The following ZNF420 variants were observed in gnomAD, a reference collection of about 807,000 sequenced individuals.
The protein encoded by ZNF420 is ATM and p53-associated KZNF protein.
Under a neutral mutation model 44.7 loss-of-function variants are expected in ZNF420, and 31 were observed. The ratio of observed to expected loss-of-function variants is 0.69; its 90% CI spans 0.52 to 0.94. ZNF420 has a LOEUF of 0.94. Among genes scored for constraint, ZNF420 ranks in the 40% least tolerant of loss-of-function variants. The pLI is 0.00. For missense variants in ZNF420, 681 were observed against 827.9 expected, an observed-to-expected ratio of 0.82 and a Z score of 2.18; for synonymous variants, 245 against 267.4, an observed-to-expected ratio of 0.92 and a Z score of 0.82.
intron 4 of ZNF420, among the ~76,000 whole-genome samples, chr19:37,104,578 T>C (rs952855983): frequency 1.3e-5 from 2 of 152,192 alleles, no homozygotes; most frequent in African/African-American, 4.8e-5. Context: ...TCCACAATGG[T>C]TGAACTAGTT....
intron 1 of ZNF420, among the ~76,000 whole-genome samples, chr19:37,019,611 C>T (rs951334189): frequency 4.0e-5 from 6 of 151,786 alleles, no homozygotes; most frequent in Admixed American, 2.0e-4. Context: ...CCCATCTCTA[C>T]TAACAATACA....
intron 1 of ZNF420, among the ~76,000 whole-genome samples, chr19:37,042,189 G>C (rs1967466861): frequency 1.3e-5 from 2 of 152,162 alleles, no homozygotes; most frequent in South Asian, 4.1e-4. Context: ...AATAGAGACA[G>C]GGTTTCACCA....
intron 1 of ZNF420, among the ~76,000 whole-genome samples, chr19:37,060,742 C>T (rs35524127): frequency 0.5 from 76,245 of 151,720 alleles, 19,790 homozygotes; most frequent in African/African-American, 0.58. Flanking sequence ...GGTAGGCGAC[C>T]GTGACTGGCC....
At chr19:37,013,870 T>A (rs532128142) in intron 1 of ZNF420, among the ~76,000 whole-genome samples, 1 of 152,314 alleles carries the variant, frequency 6.6e-6, no homozygotes, top group Admixed American at 6.5e-5. Context: ...GTGGAGCAAA[T>A]GCGACCACAC....
At chr19:37,126,660 A>G (rs1426282757) in intron 4 of ZNF420, among the ~76,000 whole-genome samples, 1 of 152,136 alleles carries the variant, frequency 6.6e-6, no homozygotes, top group Non-Finnish European at 1.5e-5. Context: ...TCCCCAGGTG[A>G]TTTTGATCCC....
chr19:37,011,032 C>T (rs1314314629), intron 1 of ZNF420, among the ~76,000 whole-genome samples: 1 of 152,192 alleles, frequency 6.6e-6, no homozygotes, highest in East Asian at 1.9e-4. Flanking sequence ...GTTTGGCACT[C>T]CTCCCCTCAG....
At chr19:37,116,244 C>G (rs528555090) in intron 4 of ZNF420, among the ~76,000 whole-genome samples, 1 of 151,748 alleles carries the variant, frequency 6.6e-6, no homozygotes, top group African/African-American at 2.4e-5. Flanking sequence ...ATGGCACACG[C>G]AGGGATTCCC....
intron 1 of ZNF420, among the ~76,000 whole-genome samples, chr19:37,047,557 G>A (rs890267258): frequency 8.5e-5 from 13 of 152,170 alleles, no homozygotes; most frequent in African/African-American, 2.2e-4. Flanking sequence ...TAGCACAAAC[G>A]CACTAAGGCA....
rs556031100 is a variant in ZNF420, at chr19:37,048,764, C to T, written c.-124-31581C>T. Among the ~76,000 whole-genome samples the T allele has an allele frequency of 9.9e-5, 15 of 152,002 alleles. No individual in the cohort carries two copies. The South Asian group carries it at 1.2e-3, about 13-fold the overall frequency. On this transcript the variant is annotated intron_variant, in intron 1 of 4. Coordinates refer to the ZNF420 transcript ENST00000587029. ...TAAGTTTTAGGATACATGTGCACAA[C>T]GTGCAGGTTAGTTACATATGTATAC...
chr19:37,019,847 AAGC>A (rs2146380913), intron 1 of ZNF420, among the ~76,000 whole-genome samples: 1 of 152,262 alleles, frequency 6.6e-6, no homozygotes, highest in East Asian at 1.9e-4. Context: ...GGGAAACTGA[AAGC>A]AGTTTCAAAG....
chr19:37,051,362 GGTT>G (rs893786935), intron 1 of ZNF420, among the ~76,000 whole-genome samples: 5 of 151,954 alleles, frequency 3.3e-5, no homozygotes, highest in Non-Finnish European at 7.4e-5. Context: ...GACTTTTTTT[GGTT>G]GTTAAGCTAT....
chr19:37,084,052 T>C (rs1248139789), intron 2 of ZNF420, among the ~76,000 whole-genome samples: 2 of 152,216 alleles, frequency 1.3e-5, no homozygotes, highest in East Asian at 1.9e-4. Context: ...CTCACTGATA[T>C]ATGTGTGTGT....
intron 1 of ZNF420, among the ~76,000 whole-genome samples, chr19:37,066,186 T>A (rs1470436152): frequency 6.6e-6 from 1 of 152,240 alleles, no homozygotes; most frequent in Non-Finnish European, 1.5e-5. Context: ...CTCACGCCTG[T>A]AATCCCAGCA....
At chr19:37,088,376 A>G (rs1437660796) in intron 2 of ZNF420, among the ~76,000 whole-genome samples, 1 of 152,222 alleles carries the variant, frequency 6.6e-6, no homozygotes, top group African/African-American at 2.4e-5. Context: ...TATTAGCTGT[A>G]TCTTCCAGGA....
At chr19:37,100,894 C>T (rs1969734324) in intron 4 of ZNF420, among the ~76,000 whole-genome samples, 1 of 151,918 alleles carries the variant, frequency 6.6e-6, no homozygotes, top group African/African-American at 2.4e-5. Context: ...GATCCATGAA[C>T]ATGGAAAATA....
chr19:37,092,895 A>G (rs1273854792), intron 4 of ZNF420: 2 of 152,202 alleles, frequency 1.3e-5, no homozygotes, highest in African/African-American at 4.8e-5. Context: ...ATGAATGGAT[A>G]AAATTTGGTA....
intron 4 of ZNF420, among the ~76,000 whole-genome samples, chr19:37,119,333 C>A (rs112209156): frequency 1.3e-5 from 2 of 152,036 alleles, no homozygotes; most frequent in African/African-American, 2.4e-5. Context: ...AAAACCACTC[C>A]ACTACATGGA....
intron 1 of ZNF420, among the ~76,000 whole-genome samples, chr19:37,079,867 G>A (rs1056980024): frequency 2.0e-5 from 3 of 152,134 alleles, no homozygotes; most frequent in Non-Finnish European, 2.9e-5. Flanking sequence ...GGTGGCGCAT[G>A]CCTGTAATCC....
intron 4 of ZNF420, among the ~76,000 whole-genome samples, chr19:37,102,707 C>CT (rs1491318958): frequency 6.6e-6 from 1 of 152,172 alleles, no homozygotes; most frequent in Non-Finnish European, 1.5e-5. Flanking sequence ...TGCAAAGAGA[C>CT]TTTTATCTGT....
Sources: allele counts gnomAD v4.1 joint callset (sites outside exome capture counted in the v4.1 genomes callset), GRCh38; gene constraint gnomAD v4.1.1; transcripts MANE v1.5; gene names NCBI Gene and HGNC (gene_info 2026-07-23, HGNC 2026-07-21).